Variants in SVIL observed in about 807,000 individuals in gnomAD.
SVIL encodes the protein archvillin.
A neutral mutation model predicts 240.4 loss-of-function variants in SVIL; 101 were observed. The ratio of observed to expected loss-of-function variants is 0.42; its 90% CI spans 0.36 to 0.50. The LOEUF (loss-of-function observed/expected upper bound fraction) is 0.50. SVIL is among the 20% of genes least tolerant of loss of function. The pLI is 0.01. For missense variants in SVIL, 2,512 were observed against 2,818.7 expected, an observed-to-expected ratio of 0.89 and a Z score of 2.46; for synonymous variants, 999 against 1,100.0, an observed-to-expected ratio of 0.91 and a Z score of 1.82.
chr10:29,685,707 G>A (rs1472920682), intron 2 of SVIL, among the ~76,000 whole-genome samples: 7 of 152,146 alleles, frequency 4.6e-5, no homozygotes, highest in Middle Eastern at 3.2e-3. Flanking sequence ...TGTTGGCCAC[G>A]TGTATGTCTT....
intron 1 of SVIL, among the ~76,000 whole-genome samples, chr10:29,581,652 TTTAAAG>T (rs1277098473): frequency 6.6e-6 from 1 of 152,250 alleles, no homozygotes; most frequent in African/African-American, 2.4e-5. Flanking sequence ...TATTAGTGTC[TTTAAAG>T]TTAATGTTCA....
At chr10:29,508,254 C>T (rs913485111) in intron 17 of SVIL, 44 of 884,664 alleles carry the variant, frequency 5.0e-5, no homozygotes, top group Admixed American at 3.1e-4. Context: ...GGAGGGTGCA[C>T]GAAGGAACCA....
chr10:29,624,063 T>C (rs1368048373), intron 1 of SVIL, among the ~76,000 whole-genome samples: 1 of 151,674 alleles, frequency 6.6e-6, no homozygotes, highest in Non-Finnish European at 1.5e-5. Flanking sequence ...AATCAGAATG[T>C]GACTTTTCCT....
At chr10:29,557,269 G>A (rs2026667) in intron 3 of SVIL, among the ~76,000 whole-genome samples, 46,019 of 151,856 alleles carry the variant, frequency 0.3, 7,232 homozygotes, top group African/African-American at 0.39. Flanking sequence ...CTAGCTTTTG[G>A]TTGTCTTTTG....
At position 29,533,118 on chromosome 10, in the gene SVIL, T is replaced by C. The variant is rs1449019248; in HGVS notation, c.1249A>G (p.Ser417Gly). Residue 417 changes from serine to glycine, a missense_variant, in exon 8 of 38, where the codon AGC (serine) becomes GGC (glycine). Ser to Gly is a moderately conservative substitution (Grantham distance 56, BLOSUM62 0). Around this residue, in one of 3 missense-constraint regions of SVIL, gnomAD observed 1,443 missense variants for 1,486.6 expected, o/e 0.97. Transcript: ENST00000355867. Reference sequence around the variant, plus strand: ...GACTCGCAGACATGGAGAACTGGGCTATCCCTTCCGTCACCTTCTAGAACC... The same window carrying C: ...GACTCGCAGACATGGAGAACTGGGCCATCCCTTCCGTCACCTTCTAGAACC... Reference protein sequence around the residue: ...LTVLEGDGRDSPVLHVCESKA... With the variant: ...LTVLEGDGRDGPVLHVCESKA... 1 of 1,614,042 alleles carries C rather than the reference T, an allele frequency of 6.2e-7. No individual in the cohort carries two copies. The highest frequency in any genetic ancestry group is 8.5e-7 in the Non-Finnish European group (1 of 1,180,028).
At chr10:29,466,871 C>A (rs7097163) in intron 33 of SVIL, among the ~76,000 whole-genome samples, 1 of 151,944 alleles carries the variant, frequency 6.6e-6, no homozygotes, top group African/African-American at 2.4e-5. Context: ...TAATTTCAAA[C>A]GTTTTCTAGG....
chr10:29,575,759 A>C (rs1208154479), intron 1 of SVIL, among the ~76,000 whole-genome samples: 1 of 152,202 alleles, frequency 6.6e-6, no homozygotes, highest in Non-Finnish European at 1.5e-5. Context: ...GACAACAAGA[A>C]TATCATGACA....
intron 29 of SVIL, 111 bp from the exon 30 acceptor site, chr10:29,474,100 G>A (rs1025478171): frequency 1.5e-5 from 22 of 1,432,326 alleles, no homozygotes; most frequent in Admixed American, 1.2e-4. Flanking sequence ...AAAGAGCCTC[G>A]GACCTAGGGC....
At chr10:29,542,907 A>T (rs1952295040) in intron 6 of SVIL, among the ~76,000 whole-genome samples, 1 of 152,166 alleles carries the variant, frequency 6.6e-6, no homozygotes, top group Non-Finnish European at 1.5e-5. Flanking sequence ...CAGTACAATC[A>T]TCAGCAACCC....
chr10:29,727,014 C>G (rs954692647), intron 1 of SVIL, among the ~76,000 whole-genome samples: 5 of 152,204 alleles, frequency 3.3e-5, no homozygotes, highest in Non-Finnish European at 5.9e-5. Context: ...AATGGGTACA[C>G]ACATCCACGT....
Position 29,484,852 on chromosome 10 carries a change from G to A in SVIL, c.4780-21C>T. 1 of 1,586,074 alleles carries A rather than the reference G, an allele frequency of 6.3e-7. No individual in the cohort carries two copies. The highest frequency in any genetic ancestry group is 8.6e-7 in the Non-Finnish European group (1 of 1,166,002). Reference sequence around the variant, plus strand: ...AGTACCTGGGAGAAATGGCACAAAAGAATTTGTTAACTTCAAGAACATGCA... The same window carrying A: ...AGTACCTGGGAGAAATGGCACAAAAAAATTTGTTAACTTCAAGAACATGCA... On this transcript the variant is annotated intron_variant, in intron 26 of 37. Coordinates refer to ENST00000355867, the MANE Select transcript of SVIL (RefSeq NM_021738.3). This position sits in a 1 kb window ranked among gnomAD's most constrained non-coding sequence, Gnocchi z 4.7.
chr10:29,734,002 C>T (rs778900994), intron 1 of SVIL, among the ~76,000 whole-genome samples: 2 of 152,172 alleles, frequency 1.3e-5, no homozygotes, highest in African/African-American at 2.4e-5. Context: ...CAATTTTAAA[C>T]GCACATTCAG....
intron 1 of SVIL, among the ~76,000 whole-genome samples, chr10:29,624,166 CA>C (rs58064632): frequency 1.8e-4 from 24 of 136,186 alleles, no homozygotes; most frequent in African/African-American, 5.4e-4. Context: ...AATGAGCTTT[CA>C]AAAAAAAAAA....
intron 1 of SVIL, among the ~76,000 whole-genome samples, chr10:29,591,877 G>A (rs1254336327): frequency 6.6e-6 from 1 of 152,246 alleles, no homozygotes; most frequent in South Asian, 2.1e-4. Flanking sequence ...AGGAAGATGA[G>A]CAAAGAGCCT....
chr10:29,517,327 G>A (rs564425714), intron 16 of SVIL, among the ~76,000 whole-genome samples: 5 of 152,270 alleles, frequency 3.3e-5, no homozygotes, highest in Middle Eastern at 3.4e-3. Flanking sequence ...TTGGGAGGCT[G>A]AAGTGGGAGG....
chr10:29,611,221 G>A (rs1346306010), intron 1 of SVIL, among the ~76,000 whole-genome samples: 4 of 151,964 alleles, frequency 2.6e-5, no homozygotes, highest in Admixed American at 2.6e-4. Context: ...GCAATTCTTG[G>A]TTAACTCTTG....
chr10:29,520,236 T>C (rs942250356), intron 16 of SVIL, among the ~76,000 whole-genome samples: 3 of 152,244 alleles, frequency 2.0e-5, no homozygotes, highest in Admixed American at 2.0e-4. Context: ...GGATATTTTC[T>C]CATGTGTAAA....
chr10:29,475,603 G>A (rs531662075), intron 29 of SVIL: 1 of 152,478 alleles, frequency 6.6e-6, no homozygotes, highest in East Asian at 1.9e-4. Flanking sequence ...CACCTGCTGA[G>A]GGAGGGCCTT....
intron 18 of SVIL, among the ~76,000 whole-genome samples, chr10:29,497,563 C>T (rs927458311): frequency 6.6e-6 from 1 of 152,174 alleles, no homozygotes; most frequent in Non-Finnish European, 1.5e-5. Context: ...AAGAGCTCAG[C>T]AGCAGAAGAT....
Sources: allele counts gnomAD v4.1 joint callset (sites outside exome capture counted in the v4.1 genomes callset), GRCh38; gene constraint gnomAD v4.1.1; regional missense constraint gnomAD v4.1.1; non-coding constraint Gnocchi (gnomAD v3.1); transcripts MANE v1.5; gene names NCBI Gene and HGNC (gene_info 2026-07-23, HGNC 2026-07-21).